Variants in GDAP2 observed in about 807,000 individuals in gnomAD.
GDAP2 encodes ganglioside-induced differentiation-associated protein 2.
A neutral mutation model predicts 67.0 loss-of-function variants in GDAP2; 51 were observed. The observed-to-expected ratio is 0.76, with a 90% CI of 0.61 to 0.96. The LOEUF (loss-of-function observed/expected upper bound fraction) is 0.96, where lower values mean the gene tolerates loss of function less well. Among genes scored for constraint, GDAP2 ranks in the 40% least tolerant of loss-of-function variants. The pLI is 0.00. For missense variants in GDAP2, 547 were observed against 588.3 expected (o/e 0.93, Z 0.73); for synonymous variants, 203 against 207.3 (o/e 0.98, Z 0.18).
chr1:117,906,308 C>A (rs1031956905), intron 6 of GDAP2, among the ~76,000 whole-genome samples, 198 bp downstream of exon 6: 7 of 152,138 alleles, frequency 4.6e-5, no homozygotes, highest in Non-Finnish European at 7.4e-5. Context: ...AAAATATGAA[C>A]GAAATGCTCC....
intron 8 of GDAP2, 56 bp from the exon 9 acceptor site, chr1:117,887,830 A>G (rs935126190): frequency 9.8e-7 from 1 of 1,021,196 alleles, no homozygotes; most frequent in Non-Finnish European, 1.5e-6. Flanking sequence ...TAAATTTACA[A>G]ATGGGACCAA....
chr1:117,895,395 T>TA (rs200755275), intron 8 of GDAP2, among the ~76,000 whole-genome samples: 231 of 150,890 alleles, frequency 1.5e-3, no homozygotes, highest in African/African-American at 5.1e-3. Context: ...TTTGCAAGAT[T>TA]AAAAAAAAAC....
At chr1:117,905,374 C>G (rs759209576) in intron 6 of GDAP2, among the ~76,000 whole-genome samples, 30 of 152,218 alleles carry the variant, frequency 2.0e-4, no homozygotes, top group Non-Finnish European at 3.4e-4. Flanking sequence ...CAATACTAAA[C>G]ACTTGATGCT....
intron 10 of GDAP2, 75 bp from the exon 11 acceptor site, chr1:117,883,702 A>G: frequency 1.9e-6 from 2 of 1,033,458 alleles, no homozygotes; most frequent in Admixed American, 4.9e-5. Context: ...AAGAAAAAAC[A>G]AAACAAAACA....
Position 117,865,324 on chromosome 1 carries a change from G to C in GDAP2, c.*5245C>G, listed in dbSNP as rs532113551. On this transcript the variant is annotated 3_prime_UTR_variant, in exon 14 of 14. Coordinates refer to ENST00000369443, the MANE Select transcript of GDAP2 (RefSeq NM_017686.4). ...ATTCTTCATAGGCTATATTTGTATA[G>C]AGTGAGACCCTCTTTAAAAGGGATC... 2.0e-5 allele frequency: 3 copies of C among 152,248 alleles called. No individual in the cohort carries two copies. Among genetic ancestry groups the C allele is most frequent in the East Asian group, 3.9e-4 (2 of 5,174 alleles). 9.4% of individuals were successfully genotyped at this position (152,248 alleles called of 1,614,324 possible).
At chr1:117,900,934 C>T (rs1649448126) in intron 6 of GDAP2, among the ~76,000 whole-genome samples, 2 of 152,208 alleles carry the variant, frequency 1.3e-5, no homozygotes, top group South Asian at 4.1e-4. Context: ...GTAGCGGGTG[C>T]CTGTAGTCCC....
At position 117,867,757 on chromosome 1, in the gene GDAP2, T is replaced by C. The variant is rs932518247; in HGVS notation, c.*2812A>G. The C allele has an allele frequency of 2.0e-5, 3 of 151,550 alleles. No individual in the cohort carries two copies. The highest frequency in any genetic ancestry group is 7.3e-5 in the African/African-American group (3 of 41,228). 9.4% of individuals were successfully genotyped at this position (151,550 alleles called of 1,614,324 possible). ...AAGCATCCGCCAATGAAACATAATA[T>C]ACATTAAAGGAGAAAACGTCTTTAA... is the stretch of plus-strand genomic sequence containing the variant. On this transcript the variant is annotated 3_prime_UTR_variant, in exon 14 of 14. Transcript: ENST00000369443.
At chr1:117,874,199 C>A (rs1269343648) in intron 13 of GDAP2, among the ~76,000 whole-genome samples, 1 of 152,160 alleles carries the variant, frequency 6.6e-6, no homozygotes, top group African/African-American at 2.4e-5. Flanking sequence ...GAAATTTGAT[C>A]CCCATGCTGG....
At chr1:117,918,461 G>A in intron 3 of GDAP2, 136 bp downstream of exon 3, 1 of 630,176 alleles carries the variant, frequency 1.6e-6, no homozygotes, top group Admixed American at 3.0e-5. Context: ...GCTTTCAAAA[G>A]CAGTTTTTAT....
intron 6 of GDAP2, among the ~76,000 whole-genome samples, chr1:117,902,634 T>C (rs886383261): frequency 6.6e-6 from 1 of 152,236 alleles, no homozygotes; most frequent in Non-Finnish European, 1.5e-5. Flanking sequence ...TTTATCCTTA[T>C]GCCAGTACCA....
Position 117,884,782 on chromosome 1 carries a change from A to G in GDAP2, c.1108-1155T>C, listed in dbSNP as rs137867865. ...AAATGATTACAAACAGAAACTTACT[A>G]ACGGTATAATTTTCATCAGTTTATT... On this transcript the variant is annotated intron_variant, in intron 10 of 13. Coordinates refer to ENST00000369443, the MANE Select transcript of GDAP2 (RefSeq NM_017686.4). Among the ~76,000 whole-genome samples the G allele has an allele frequency of 4.0e-5, 6 of 151,642 alleles. No homozygotes were observed. The East Asian group carries it at 1.2e-3, about 29-fold the overall frequency.
chr1:117,912,615 CTG>C lies in GDAP2; in HGVS notation c.383_384del (p.Thr128SerfsTer4), dbSNP rs1209497607. 2 of 1,613,452 alleles carry C rather than the reference CTG, an allele frequency of 1.2e-6. No homozygotes were observed. The highest frequency in any genetic ancestry group is 1.7e-6 in the Non-Finnish European group (2 of 1,179,458). On this transcript the variant is annotated frameshift_variant, in exon 4 of 14. Transcript: ENST00000369443. LOFTEE classifies it high-confidence loss of function. ...TAGCGGCTTTTATATTTAGGTCCCA[CTG>C]TGTGAATGATGAACCGGGCAGCTAG... ...FNLAARFIIHTVGPKYKSRYR... is the reference protein window; with the variant it reads ...FNLAARFIIHXVGPKYKSRYR...
chr1:117,895,730 G>GC (rs1242236342), intron 8 of GDAP2, among the ~76,000 whole-genome samples: 1 of 152,118 alleles, frequency 6.6e-6, no homozygotes, highest in Non-Finnish European at 1.5e-5. Flanking sequence ...ATACGCTTTT[G>GC]TTTTTCAAAT....
chr1:117,886,185 T>G (rs1447776498), intron 10 of GDAP2, among the ~76,000 whole-genome samples: 1 of 152,218 alleles, frequency 6.6e-6, no homozygotes, highest in African/African-American at 2.4e-5. Flanking sequence ...TATAGAATTA[T>G]GCTATCTTGG....
At chr1:117,880,652 CTG>C (rs1408744658) in intron 12 of GDAP2, among the ~76,000 whole-genome samples, 1 of 152,198 alleles carries the variant, frequency 6.6e-6, no homozygotes, top group Non-Finnish European at 1.5e-5. Flanking sequence ...GAAATACACT[CTG>C]TAGTTTACAG....
chr1:117,875,047 A>G (rs1648406443), intron 13 of GDAP2, among the ~76,000 whole-genome samples: 1 of 152,224 alleles, frequency 6.6e-6, no homozygotes, highest in African/African-American at 2.4e-5. Context: ...ATTAAAAAGG[A>G]CACAGAACAT....
At chr1:117,903,269 T>G (rs1014087075) in intron 6 of GDAP2, among the ~76,000 whole-genome samples, 1 of 152,142 alleles carries the variant, frequency 6.6e-6, no homozygotes, top group Admixed American at 6.6e-5. Flanking sequence ...TTTTTATCTC[T>G]TTTTCTTAGC....
chr1:117,871,036 A>G (rs1481061084), intron 13 of GDAP2, among the ~76,000 whole-genome samples: 1 of 152,208 alleles, frequency 6.6e-6, no homozygotes, highest in Non-Finnish European at 1.5e-5. Flanking sequence ...AATCTATTTA[A>G]ATCTAACATC....
Position 117,883,560 on chromosome 1 carries a change from T to C in GDAP2, c.1175A>G (p.His392Arg). ...GTGATTGTATTCGCTGGTCAGGGTG[T>C]GAAAATACACTAATACATACTCCTT... ...AVKEYVLVYF[H>R]TLTSEYNHLD... is the part of the protein sequence containing the mutation. Residue 392 changes from histidine to arginine, a missense_variant, in exon 11 of 14, where the codon CAC (histidine) becomes CGC (arginine). Transcript: ENST00000369443. 6.2e-7 allele frequency: 1 copy of C among 1,605,892 alleles called. No individual in the cohort carries two copies. Among genetic ancestry groups the C allele is most frequent in the Non-Finnish European group, 8.5e-7 (1 of 1,172,844 alleles).
Sources: allele counts gnomAD v4.1 joint callset (sites outside exome capture counted in the v4.1 genomes callset), GRCh38; gene constraint gnomAD v4.1.1; transcripts MANE v1.5; gene names NCBI Gene and HGNC (gene_info 2026-07-23, HGNC 2026-07-21).